Variants in NRCAM observed in about 807,000 individuals in gnomAD.
NRCAM encodes NgCAM-related cell adhesion molecule.
In NRCAM, 83 loss-of-function variants were observed where a neutral mutation model predicts 156.5. That is an observed-to-expected ratio of 0.53 (90% confidence interval 0.44 to 0.64). NRCAM has a LOEUF of 0.64. NRCAM is among the 30% of genes least tolerant of loss of function. NRCAM has a pLI of 0.00. For synonymous variants in NRCAM, 538 were observed against 563.9 expected (o/e 0.95, Z 0.65); for missense variants, 1,417 against 1,597.3 (o/e 0.89, Z 1.92).
chr7:108,197,711 G>A (rs2075889483), intron 14 of NRCAM, among the ~76,000 whole-genome samples: 1 of 152,166 alleles, frequency 6.6e-6, no homozygotes, highest in Admixed American at 6.5e-5. Flanking sequence ...CTAACCATCT[G>A]TAAGTAGAAC....
chr7:108,160,748 T>C (rs2151397726), intron 30 of NRCAM, among the ~76,000 whole-genome samples: 1 of 152,338 alleles, frequency 6.6e-6, no homozygotes, highest in Middle Eastern at 3.4e-3. Context: ...TGGTGAACAC[T>C]GTGTTCACAG....
rs762431743 is a variant in NRCAM at position 108,194,047 on chromosome 7, G to A, written c.1755C>T (p.Asn585=). 3.1e-6 allele frequency: 5 copies of A among 1,613,942 alleles called. No homozygotes were observed. In the African/African-American group the frequency reaches 6.7e-5, roughly 22 times the overall value. ...ACCTTTCATCACTGGGCAGTTCCCT[G>A]TTGTCCTTCAGCCACAGGACAGTGA... ...LSLTVLWLKD[N]RELPSDERFT... is the part of the protein sequence containing the mutation. Residue 585 remains asparagine, a synonymous_variant, in exon 17 of 33, where the codon AAC becomes AAT. Coordinates refer to ENST00000379028, the MANE Select transcript of NRCAM (RefSeq NM_001037132.4).
chr7:108,317,281 T>C (rs1006313732), intron 2 of NRCAM, among the ~76,000 whole-genome samples: 1 of 152,216 alleles, frequency 6.6e-6, no homozygotes, highest in Admixed American at 6.5e-5. Context: ...ATAGAAACTT[T>C]AAATGAAATA....
At chr7:108,299,909 G>GTAAT (rs1415705961) in intron 3 of NRCAM, among the ~76,000 whole-genome samples, 1 of 152,186 alleles carries the variant, frequency 6.6e-6, no homozygotes, top group African/African-American at 2.4e-5. Context: ...CCTGAGTGAT[G>GTAAT]TAATTAACAC....
chr7:108,239,707 G>A (rs1475744810), intron 4 of NRCAM, among the ~76,000 whole-genome samples: 1 of 152,162 alleles, frequency 6.6e-6, no homozygotes, highest in East Asian at 1.9e-4. Context: ...TCCCCAGCAG[G>A]GCAGACAAAA....
At position 108,292,594 on chromosome 7, in the gene NRCAM, G is replaced by A. The variant is rs535340647; in HGVS notation, c.-107+20071C>T. Reference sequence around the variant, plus strand: ...TTTTGAGAGGCAATGCTTCCTAGTGGTCAAGAATACACACTGGAACCAGTC... The same window carrying A: ...TTTTGAGAGGCAATGCTTCCTAGTGATCAAGAATACACACTGGAACCAGTC... On this transcript the variant is annotated intron_variant, in intron 3 of 32. Coordinates refer to ENST00000379028, the MANE Select transcript of NRCAM (RefSeq NM_001037132.4). Among the ~76,000 whole-genome samples the A allele has an allele frequency of 1.7e-4, 26 of 152,252 alleles. No individual in the cohort carries two copies. The South Asian group carries it at 3.7e-3, about 22-fold the overall frequency.
intron 3 of NRCAM, among the ~76,000 whole-genome samples, chr7:108,281,970 T>TG (rs781474228): frequency 1.8e-4 from 28 of 152,226 alleles, no homozygotes; most frequent in African/African-American, 6.7e-4. Flanking sequence ...GGAGCAACTG[T>TG]GGGAAAAATT....
At chr7:108,394,380 G>C (rs1465748587) in intron 2 of NRCAM, among the ~76,000 whole-genome samples, 1 of 152,180 alleles carries the variant, frequency 6.6e-6, no homozygotes. Context: ...CTGAGTTACA[G>C]ATTATATCAT....
At chr7:108,155,366 T>C (rs988217572) in intron 32 of NRCAM, among the ~76,000 whole-genome samples, 2 of 151,944 alleles carry the variant, frequency 1.3e-5, no homozygotes, top group African/African-American at 2.4e-5. Flanking sequence ...GGCATATATA[T>C]ATATGCACCT....
intron 1 of NRCAM, among the ~76,000 whole-genome samples, chr7:108,407,152 T>A (rs138909961): frequency 0.014 from 2,111 of 152,320 alleles, 28 homozygotes; most frequent in Admixed American, 0.016. Flanking sequence ...TTTTTCAGAA[T>A]AGAAGTGGTA....
chr7:108,216,126 G>C (rs1192720220), intron 11 of NRCAM, among the ~76,000 whole-genome samples: 1 of 152,110 alleles, frequency 6.6e-6, no homozygotes, highest in Non-Finnish European at 1.5e-5. Flanking sequence ...AACCCCTCAG[G>C]ATTTGCTTGT....
At chr7:108,262,822 C>T (rs2096934637) in intron 3 of NRCAM, among the ~76,000 whole-genome samples, 1 of 152,172 alleles carries the variant, frequency 6.6e-6, no homozygotes, top group Non-Finnish European at 1.5e-5. Flanking sequence ...TAGATTTTCC[C>T]CTTTTCTTCC....
At chr7:108,397,639 G>C (rs1398696823) in intron 2 of NRCAM, among the ~76,000 whole-genome samples, 2 of 152,102 alleles carry the variant, frequency 1.3e-5, no homozygotes, top group Non-Finnish European at 2.9e-5. Flanking sequence ...TGAAACACTG[G>C]GCAGAGCAAT....
chr7:108,434,257 G>A (rs1159748240), intron 1 of NRCAM, among the ~76,000 whole-genome samples: 4 of 152,154 alleles, frequency 2.6e-5, no homozygotes, highest in African/African-American at 9.7e-5. Flanking sequence ...CAGCTTCACT[G>A]CACCTGCCAA....
intron 3 of NRCAM, among the ~76,000 whole-genome samples, chr7:108,245,162 T>TA (rs901048408): frequency 6.6e-6 from 1 of 152,130 alleles, no homozygotes; most frequent in African/African-American, 2.4e-5. Flanking sequence ...TGTCACGTGA[T>TA]ATGTGAAGTA....
At chr7:108,439,479 C>T (rs946691652) in intron 1 of NRCAM, among the ~76,000 whole-genome samples, 6 of 152,178 alleles carry the variant, frequency 3.9e-5, no homozygotes, top group African/African-American at 1.4e-4. Context: ...TGAGAATATG[C>T]TCCACGTTAT....
Position 108,255,147 on chromosome 7 carries a change from G to GCCTCTC in NRCAM, c.-106-14983_-106-14978dup, listed in dbSNP as rs1209410079. Among the ~76,000 whole-genome samples the GCCTCTC allele has an allele frequency of 2.0e-3, 279 of 140,896 alleles. 4 individuals are homozygous for GCCTCTC. The highest frequency in any genetic ancestry group is 7.1e-3 in the African/African-American group (248 of 34,944). 92.4% of individuals were successfully genotyped at this position (140,896 alleles called of 152,430 possible). A position where few individuals can be genotyped will look rare whatever the true frequency, so the allele number is the denominator to read the frequency against. On this transcript the variant is annotated intron_variant, in intron 3 of 32. Transcript: ENST00000379028. Reference sequence around the variant, plus strand: ...GAAACCTCAAAACTATGCTGAGTGAGCCTCTCCCTCTCCCTCTCCCCCTCC... The same window carrying GCCTCTC: ...GAAACCTCAAAACTATGCTGAGTGAGCCTCTCCCTCTCCCTCTCCCTCTCCCCCTCC...
Position 108,177,589 on chromosome 7 carries a change from C to T in NRCAM, c.2974+401G>A, listed in dbSNP as rs2061168373. On this transcript the variant is annotated intron_variant, in intron 26 of 32. Coordinates refer to ENST00000379028, the MANE Select transcript of NRCAM (RefSeq NM_001037132.4). The stretch of plus-strand genomic sequence containing the variant: ...AGTGAGCCAAGATCTCACCACTGCA[C>T]TCCAGCCTGGGTGACAGAGCGAGAC... Among the ~76,000 whole-genome samples the T allele has an allele frequency of 2.0e-5, 3 of 150,970 alleles. No individual in the cohort carries two copies. In the South Asian group the frequency reaches 6.3e-4, roughly 32 times the overall value.
At chr7:108,151,714 T>C (rs1314047449) in intron 32 of NRCAM, among the ~76,000 whole-genome samples, 1 of 152,212 alleles carries the variant, frequency 6.6e-6, no homozygotes, top group African/African-American at 2.4e-5. Context: ...GGACATAGCA[T>C]TGAGTGTCTA....
Sources: allele counts gnomAD v4.1 joint callset (sites outside exome capture counted in the v4.1 genomes callset), GRCh38; gene constraint gnomAD v4.1.1; transcripts MANE v1.5; gene names NCBI Gene and HGNC (gene_info 2026-07-23, HGNC 2026-07-21).